GLIS3: variants seen among roughly 807,000 people sequenced by gnomAD.
The protein encoded by GLIS3 is GLIS family zinc finger 3.
Under a neutral mutation model 78.6 loss-of-function variants are expected in GLIS3, and 53 were observed. That is an observed-to-expected ratio of 0.67 (90% CI 0.54 to 0.85). The LOEUF (loss-of-function observed/expected upper bound fraction) is 0.85. GLIS3 is among the 40% of genes least tolerant of loss of function. The pLI, the probability that GLIS3 is intolerant of heterozygous loss-of-function variation, is 0.00. For synonymous variants in GLIS3, 684 were observed against 509.9 expected (o/e 1.34, Z -4.60); for missense variants, 1,703 against 1,231.1 (o/e 1.38, Z -5.74).
At chr9:4,402,982 G>C in the GLIS3 span, among the ~76,000 whole-genome samples, 6 of 152,110 alleles carry the variant, frequency 3.9e-5, no homozygotes, top group Admixed American at 2.0e-4. Context: ...AGAACACCAA[G>C]CAGATTTAAC....
rs1186214718 is a variant in GLIS3 at position 4,162,190 on chromosome 9, ATT to A, written c.389-36251_389-36250del. On this transcript the variant is annotated intron_variant, in intron 2 of 10. Transcript: ENST00000381971. ...TGTATGTCTTCTGTGTTCACCCTGCATTCTTGTCTCTGTGTCCAAATTTCCTT... is the reference window on the plus strand; with the variant it reads ...TGTATGTCTTCTGTGTTCACCCTGCACTTGTCTCTGTGTCCAAATTTCCTT... Among the ~76,000 whole-genome samples the A allele has an allele frequency of 2.6e-5, 4 of 152,182 alleles. No homozygotes were observed. The East Asian group carries it at 5.8e-4, about 22-fold the overall frequency.
At chr9:4,155,160 C>T (rs1834958955) in intron 2 of GLIS3, among the ~76,000 whole-genome samples, 1 of 152,064 alleles carries the variant, frequency 6.6e-6, no homozygotes, top group African/African-American at 2.4e-5. Flanking sequence ...CTGCAATAAA[C>T]ATACATAATT....
chr9:4,111,537 A>G (rs1453472338), intron 4 of GLIS3, among the ~76,000 whole-genome samples: 1 of 152,254 alleles, frequency 6.6e-6, no homozygotes, highest in South Asian at 2.1e-4. Context: ...GTTTTGGGAT[A>G]TGAAATCCTA....
intron 4 of GLIS3, among the ~76,000 whole-genome samples, chr9:4,116,089 A>G (rs1831615950): frequency 6.6e-6 from 1 of 152,272 alleles, no homozygotes; most frequent in African/African-American, 2.4e-5. Flanking sequence ...TGGCAACAGT[A>G]GAAAAATGGG....
intron 4 of GLIS3, among the ~76,000 whole-genome samples, chr9:4,083,532 G>C (rs535138689): frequency 2.6e-5 from 4 of 152,278 alleles, no homozygotes; most frequent in African/African-American, 9.6e-5. Context: ...AAATACCTGA[G>C]AAATTGAAAC....
rs1200426586 is a variant in GLIS3, at chr9:4,118,938, G to A, written c.597-57C>T. 3.2e-6 allele frequency: 5 copies of A among 1,550,864 alleles called. No homozygotes were observed. The highest frequency in any genetic ancestry group is 4.4e-6 in the Non-Finnish European group (5 of 1,148,766). ...AAAGATAAACATTTTAGCAGGATAC[G>A]GATTGCTTAAGAGCTAAAAGAACAC... On this transcript the variant is annotated intron_variant, in intron 3 of 10. Transcript: ENST00000381971. The surrounding 1 kb of genome is among the most constrained non-coding windows in gnomAD (Gnocchi z 4.7).
chr9:4,393,231 C>T, the GLIS3 span, among the ~76,000 whole-genome samples: 1 of 152,170 alleles, frequency 6.6e-6, no homozygotes, highest in Non-Finnish European at 1.5e-5. Flanking sequence ...TCTCTACATA[C>T]ACATTTCTAT....
chr9:4,054,517 C>T (rs565521058), intron 4 of GLIS3: 1 of 985,146 alleles, frequency 1.0e-6, no homozygotes, highest in Middle Eastern at 5.2e-4. Flanking sequence ...TGGCAGTCTA[C>T]AGAGAAGGAG....
chr9:4,223,976 T>G (rs1821545400), intron 2 of GLIS3, among the ~76,000 whole-genome samples: 1 of 151,794 alleles, frequency 6.6e-6, no homozygotes, highest in African/African-American at 2.4e-5. Context: ...ATTCAACAGC[T>G]TCTACACTTC....
chr9:4,408,492 G>T, the GLIS3 span, among the ~76,000 whole-genome samples: 1 of 151,704 alleles, frequency 6.6e-6, no homozygotes, highest in Non-Finnish European at 1.5e-5. Flanking sequence ...ACTTTTGGAG[G>T]CTGAGGCGGG....
At chr9:3,898,983 T>A in intron 6 of GLIS3, 148 bp from the exon 7 acceptor site, 1 of 957,404 alleles carries the variant, frequency 1.0e-6, no homozygotes, top group Non-Finnish European at 1.6e-6. Context: ...CTTAACAGAG[T>A]GTCAATAAAA....
intron 9 of GLIS3, among the ~76,000 whole-genome samples, chr9:3,850,454 C>G (rs12344807): frequency 0.025 from 3,742 of 152,346 alleles, 167 homozygotes; most frequent in African/African-American, 0.083. Flanking sequence ...TGTATGTGAA[C>G]AAACACAATT....
At chr9:4,170,668 G>A (rs942808415) in intron 2 of GLIS3, among the ~76,000 whole-genome samples, 1 of 152,144 alleles carries the variant, frequency 6.6e-6, no homozygotes, top group Non-Finnish European at 1.5e-5. Context: ...TACACGAAAT[G>A]TACGGTGGAA....
chr9:4,050,484 A>T (rs530460394), intron 4 of GLIS3, among the ~76,000 whole-genome samples: 11 of 152,270 alleles, frequency 7.2e-5, no homozygotes, highest in South Asian at 2.1e-4. Context: ...CGTTAGGTGA[A>T]ATACCTAATG....
rs1587319954 is a variant in GLIS3 at position 4,288,421 on chromosome 9, C to G, written c.-98-1898G>C. Among the ~76,000 whole-genome samples the G allele has an allele frequency of 2.0e-5, 3 of 152,206 alleles. 1 individual carries two copies. ...GACTGGAAATATGAGTCACTAAGAC[C>G]ATGGTCCAAGTGACAAGTGTCTGCA... On this transcript the variant is annotated intron_variant, in intron 1 of 10. Coordinates refer to ENST00000381971, the MANE Select transcript of GLIS3 (RefSeq NM_001042413.2).
chr9:4,234,898 G>C (rs192366470), intron 2 of GLIS3, among the ~76,000 whole-genome samples: 1 of 152,218 alleles, frequency 6.6e-6, no homozygotes, highest in African/African-American at 2.4e-5. Flanking sequence ...CTCCCTAAGA[G>C]TCCCTAGAGT....
chr9:4,177,726 T>C (rs1816935100), intron 2 of GLIS3, among the ~76,000 whole-genome samples: 1 of 152,222 alleles, frequency 6.6e-6, no homozygotes, highest in African/African-American at 2.4e-5. Context: ...AGAGACATAG[T>C]AAGAAATCTT....
chr9:4,404,905 C>T, the GLIS3 span, among the ~76,000 whole-genome samples: 8 of 151,834 alleles, frequency 5.3e-5, no homozygotes, highest in East Asian at 1.2e-3. Flanking sequence ...ATGAAGAAGA[C>T]AATACAAAAG....
At chr9:4,179,777 G>C (rs553927313) in intron 2 of GLIS3, among the ~76,000 whole-genome samples, 2 of 152,116 alleles carry the variant, frequency 1.3e-5, no homozygotes, top group South Asian at 2.1e-4. Flanking sequence ...GGGTTTGGTG[G>C]CGCATGCCTG....
Sources: allele counts gnomAD v4.1 joint callset (sites outside exome capture counted in the v4.1 genomes callset), GRCh38; gene constraint gnomAD v4.1.1; non-coding constraint Gnocchi (gnomAD v3.1); transcripts MANE v1.5; gene names NCBI Gene and HGNC (gene_info 2026-07-23, HGNC 2026-07-21).